TICRR: variants seen among roughly 807,000 people sequenced by gnomAD.
TICRR encodes the protein TOPBP1 interacting checkpoint and replication regulator.
A neutral mutation model predicts 178.1 loss-of-function variants in TICRR; 132 were observed. That is an observed-to-expected ratio of 0.74 (90% confidence interval 0.64 to 0.86). The LOEUF is 0.86. Among genes scored for constraint, TICRR ranks in the 40% least tolerant of loss-of-function variants. The probability of loss-of-function intolerance (pLI) is 0.00; values close to 1 mark genes in which losing one functional copy is unlikely to be tolerated. For synonymous variants in TICRR, 991 were observed against 900.7 expected (o/e 1.10, Z -1.79); for missense variants, 2,587 against 2,334.3 (o/e 1.11, Z -2.23).
chr15:89,608,165 G>A (rs1358536322), intron 14 of TICRR, among the ~76,000 whole-genome samples: 2 of 152,002 alleles, frequency 1.3e-5, no homozygotes, highest in African/African-American at 4.8e-5. Flanking sequence ...TAAGTGGTGG[G>A]GGCCTTCCTT....
chr15:89,577,343 T>C (rs1037524290), intron 1 of TICRR, among the ~76,000 whole-genome samples: 1 of 152,152 alleles, frequency 6.6e-6, no homozygotes, highest in African/African-American at 2.4e-5. Context: ...TGTTAAGTGC[T>C]AGGATAAGTA....
At chr15:89,589,427 C>T (rs1962874540) in intron 4 of TICRR, among the ~76,000 whole-genome samples, 1 of 152,100 alleles carries the variant, frequency 6.6e-6, no homozygotes, top group Admixed American at 6.5e-5. Context: ...AAGCCCTGCC[C>T]AGGCGGCCAG....
At chr15:89,576,981 C>G (rs1962634055) in intron 1 of TICRR, among the ~76,000 whole-genome samples, 1 of 151,564 alleles carries the variant, frequency 6.6e-6, no homozygotes. Flanking sequence ...CAACCTCCAC[C>G]CCTCCGGGTT....
chr15:89,595,237 G>A (rs1962977449), intron 6 of TICRR, among the ~76,000 whole-genome samples, 156 bp from the exon 7 acceptor site: 1 of 152,162 alleles, frequency 6.6e-6, no homozygotes, highest in African/African-American at 2.4e-5. Context: ...CCCTGTGTGT[G>A]GGCAGAAAGA....
intron 11 of TICRR, 62 bp downstream of exon 11, chr15:89,601,630 T>C (rs1351740140): frequency 1.2e-6 from 2 of 1,608,794 alleles, no homozygotes; most frequent in Non-Finnish European, 1.7e-6. Flanking sequence ...TGTATGGTGT[T>C]GTCTCTGAAT....
intron 4 of TICRR, among the ~76,000 whole-genome samples, chr15:89,586,327 G>A (rs1421361145): frequency 6.6e-6 from 1 of 151,960 alleles, no homozygotes; most frequent in Non-Finnish European, 1.5e-5. Context: ...CAAACCTTAT[G>A]TAAGCTAGGT....
chr15:89,625,446 C>T lies in TICRR; in HGVS notation c.5136C>T (p.Ser1712=). The T allele has an allele frequency of 1.2e-6, 2 of 1,613,924 alleles. No homozygotes were observed. The highest frequency in any genetic ancestry group is 1.7e-6 in the Non-Finnish European group (2 of 1,179,998). The stretch of plus-strand genomic sequence containing the variant: ...AGGTCGGTGCAGACCTTCCTGGGAG[C>T]CTGTCACTGCTTGAGTCAGAGGGCA... ...RGEVGADLPG[S]LSLLESEGKD... The change falls in exon 20 of 22, where the codon AGC becomes AGT. Residue 1712 remains serine, a synonymous_variant. Coordinates refer to ENST00000268138, the MANE Select transcript of TICRR (RefSeq NM_152259.4).
chr15:89,577,712 A>G (rs1475158540), intron 1 of TICRR, among the ~76,000 whole-genome samples: 1 of 145,716 alleles, frequency 6.9e-6, no homozygotes, highest in African/African-American at 2.5e-5. Context: ...GGGTTCAAGC[A>G]ATTCTCCTGC....
At chr15:89,596,094 T>A (rs892287204) in intron 7 of TICRR, among the ~76,000 whole-genome samples, 1 of 152,132 alleles carries the variant, frequency 6.6e-6, no homozygotes, top group Admixed American at 6.5e-5. Flanking sequence ...CTGGACTAGA[T>A]TCTGTCTAGC....
chr15:89,584,523 AC>A lies in TICRR; in HGVS notation c.1174del (p.Leu392TrpfsTer26). 1 of 1,561,506 alleles carries A rather than the reference AC, an allele frequency of 6.4e-7. No individual in the cohort carries two copies. The highest frequency in any genetic ancestry group is 8.7e-7 in the Non-Finnish European group (1 of 1,153,010). On this transcript the variant is annotated frameshift_variant, in exon 3 of 22. Transcript: ENST00000268138. LOFTEE classifies it high-confidence loss of function. The part of the protein sequence containing the change: ...LVSRLTAEEL[H>X]LVADVDPGEG... Reference sequence around the variant, plus strand: ...AGCAGGCTGACTGCTGAAGAGTTACACCTGGTAGGTATCCTCCACACGGGAA... The same window carrying A: ...AGCAGGCTGACTGCTGAAGAGTTACACTGGTAGGTATCCTCCACACGGGAA...
intron 2 of TICRR, among the ~76,000 whole-genome samples, chr15:89,583,963 C>T (rs780881055): frequency 4.6e-5 from 7 of 152,174 alleles, no homozygotes; most frequent in Non-Finnish European, 1.0e-4. Flanking sequence ...GCTGAGATTG[C>T]AGGCATGAGC....
intron 7 of TICRR, among the ~76,000 whole-genome samples, chr15:89,598,770 C>G (rs1210340420): frequency 6.6e-6 from 1 of 152,044 alleles, no homozygotes; most frequent in Non-Finnish European, 1.5e-5. Context: ...CTTTGGGAGG[C>G]CAGGGCGGAT....
At chr15:89,626,167 G>A in intron 21 of TICRR, 106 bp downstream of exon 21, 3 of 1,352,106 alleles carry the variant, frequency 2.2e-6, no homozygotes, top group Non-Finnish European at 2.0e-6. Context: ...AGTGCCAAGT[G>A]TGGGATAGGT....
chr15:89,627,315 A>G lies in TICRR; in HGVS notation c.*229A>G. 3.8e-6 allele frequency: 2 copies of G among 522,424 alleles called. No homozygotes were observed. The highest frequency in any genetic ancestry group is 3.1e-5 in the South Asian group (1 of 31,928). The allele number at this position is 522,424 out of a possible 1,614,324, so 32.4% of individuals were successfully genotyped here. ...GGTGGATGGCAATGTGATTGGTGCT[A>G]TAACTCAGGCAGCCTGGGAGTCAGG... On this transcript the variant is annotated 3_prime_UTR_variant, in exon 22 of 22. Transcript: ENST00000268138.
At chr15:89,607,373 C>G (rs975244208) in intron 14 of TICRR, among the ~76,000 whole-genome samples, 4 of 152,068 alleles carry the variant, frequency 2.6e-5, no homozygotes, top group Admixed American at 1.3e-4. Context: ...AATTTACTCT[C>G]CAGTGTTTAG....
chr15:89,584,553 A>T (rs1962787895), intron 3 of TICRR, 26 bp downstream of exon 3: 1 of 1,515,860 alleles, frequency 6.6e-7, no homozygotes, highest in African/African-American at 1.4e-5. Flanking sequence ...ACGGGAAGTT[A>T]TTCTTGTCTA....
Position 89,592,085 on chromosome 15 carries a change from C to CGTGT in TICRR, c.1450_1451insGTGT (p.His484ArgfsTer19). 6.2e-7 allele frequency: 1 copy of CGTGT among 1,612,472 alleles called. No individual in the cohort carries two copies. The highest frequency in any genetic ancestry group is 8.5e-7 in the Non-Finnish European group (1 of 1,178,638). ...AGAGTGGGCCCAGCAGGAGCTTGGCCACACCACTCCCTGGAGTCCAGCTGT... is the reference window on the plus strand; with the variant it reads ...AGAGTGGGCCCAGCAGGAGCTTGGCCGTGTACACCACTCCCTGGAGTCCAGCTGT... On this transcript the variant is annotated frameshift_variant, in exon 5 of 22. Coordinates refer to ENST00000268138, the MANE Select transcript of TICRR (RefSeq NM_152259.4). LOFTEE classifies it high-confidence loss of function.
chr15:89,576,845 A>G (rs1200701074), intron 1 of TICRR, among the ~76,000 whole-genome samples: 10 of 141,850 alleles, frequency 7.0e-5, no homozygotes, highest in Non-Finnish European at 1.1e-4. Flanking sequence ...ATATATATAT[A>G]TATATATATA....
Position 89,616,257 on chromosome 15 carries a change from TA to T in TICRR, c.2870-146del, listed in dbSNP as rs1963333750. 9.5e-6 allele frequency: 6 copies of T among 630,894 alleles called. No homozygotes were observed. The East Asian group carries it at 1.7e-4, about 18-fold the overall frequency. 39.1% of individuals were successfully genotyped at this position (630,894 alleles called of 1,614,324 possible). ...CAAACTTCTATCATGTTGAGTCCTG[TA>T]ACCATAGAACTTAGCCCAAAGACCA... On this transcript the variant is annotated intron_variant, in intron 15 of 21. Coordinates refer to ENST00000268138, the MANE Select transcript of TICRR (RefSeq NM_152259.4).
Sources: allele counts gnomAD v4.1 joint callset (sites outside exome capture counted in the v4.1 genomes callset), GRCh38; gene constraint gnomAD v4.1.1; transcripts MANE v1.5; gene names NCBI Gene and HGNC (gene_info 2026-07-23, HGNC 2026-07-21).